The following SKAP1 variants were observed in gnomAD, a reference collection of about 807,000 sequenced individuals.
SKAP1 encodes the protein src kinase associated phosphoprotein 1.
A neutral mutation model predicts 58.5 loss-of-function variants in SKAP1; 44 were observed. The ratio of observed to expected loss-of-function variants is 0.75; its 90% CI spans 0.59 to 0.97. The LOEUF is 0.97. Ranked by LOEUF, SKAP1 falls within the 50% of genes least tolerant of loss-of-function variation. SKAP1 has a pLI of 0.00. For synonymous variants in SKAP1, 127 were observed against 149.7 expected (o/e 0.85, Z 1.11); for missense variants, 390 against 435.2 (o/e 0.90, Z 0.92).
chr17:48,176,581 C>T (rs556185789), intron 9 of SKAP1, among the ~76,000 whole-genome samples: 1 of 152,244 alleles, frequency 6.6e-6, no homozygotes, highest in African/African-American at 2.4e-5. Context: ...ATCAAGGGCC[C>T]ACATATGCTC....
chr17:48,413,238 G>A (rs1324687984), intron 1 of SKAP1, among the ~76,000 whole-genome samples: 1 of 151,808 alleles, frequency 6.6e-6, no homozygotes, highest in Non-Finnish European at 1.5e-5. Flanking sequence ...TTCAGGGCTG[G>A]GCGCAGTAGC....
intron 4 of SKAP1, among the ~76,000 whole-genome samples, chr17:48,192,061 G>T (rs1208276548): frequency 1.3e-5 from 2 of 152,058 alleles, no homozygotes. Flanking sequence ...CAAACCTGTA[G>T]TCCCAGCTAC....
intron 2 of SKAP1, among the ~76,000 whole-genome samples, chr17:48,372,860 C>A (rs991359945): frequency 6.6e-6 from 1 of 152,146 alleles, no homozygotes; most frequent in Non-Finnish European, 1.5e-5. Flanking sequence ...GTTGCCCAGA[C>A]TGGTCTCGAA....
At chr17:48,179,905 C>A in intron 9 of SKAP1, 149 bp downstream of exon 9, 1 of 686,570 alleles carries the variant, frequency 1.5e-6, no homozygotes, top group East Asian at 2.7e-5. Flanking sequence ...ACCCACTTCC[C>A]TACAATCTCA....
chr17:48,432,009 T>G (rs1024374415), upstream of SKAP1, among the ~76,000 whole-genome samples: 3 of 152,144 alleles, frequency 2.0e-5, no homozygotes, highest in African/African-American at 7.2e-5. Context: ...AAAGCAGTGG[T>G]GCATTGGTTT....
At chr17:48,283,269 G>A (rs1432671604) in intron 4 of SKAP1, among the ~76,000 whole-genome samples, 1 of 152,110 alleles carries the variant, frequency 6.6e-6, no homozygotes, top group Admixed American at 6.5e-5. Flanking sequence ...AGTTTCCTAA[G>A]GGAAGACATG....
chr17:48,344,581 C>G (rs2066696675), intron 4 of SKAP1, among the ~76,000 whole-genome samples: 1 of 152,204 alleles, frequency 6.6e-6, no homozygotes, highest in Non-Finnish European at 1.5e-5. Context: ...AAGTTGATTT[C>G]TTCCTGTTTT....
At chr17:48,250,334 C>T (rs1029753445) in intron 4 of SKAP1, among the ~76,000 whole-genome samples, 3 of 121,022 alleles carry the variant, frequency 2.5e-5, no homozygotes, top group Non-Finnish European at 3.2e-5. Context: ...CAGGCTGGAG[C>T]GCAGTGGCAT....
chr17:48,311,769 C>G (rs572086163), intron 4 of SKAP1, among the ~76,000 whole-genome samples: 1 of 152,330 alleles, frequency 6.6e-6, no homozygotes, highest in East Asian at 1.9e-4. Flanking sequence ...CAATCACGAT[C>G]TGTGTCAGAG....
chr17:48,413,523 A>AAAAAAAAAAAAAAAAAAAAAATATAT, intron 1 of SKAP1, among the ~76,000 whole-genome samples: 1 of 105,454 alleles, frequency 9.5e-6, no homozygotes. Context: ...TCAAAAAAAA[A>AAAAAAAAAAAAAAAAAAAAAATATAT]ATATATATAT....
intron 4 of SKAP1, among the ~76,000 whole-genome samples, chr17:48,330,034 G>A (rs903935723): frequency 6.6e-6 from 1 of 152,188 alleles, no homozygotes; most frequent in Non-Finnish European, 1.5e-5. Flanking sequence ...AGAGTGCCAT[G>A]CATTCAGCAT....
intron 5 of SKAP1, 117 bp from the exon 6 acceptor site, chr17:48,188,043 CT>C (rs2064482788): frequency 1.4e-6 from 1 of 717,132 alleles, no homozygotes; most frequent in African/African-American, 1.8e-5. Context: ...GGTTAATGGA[CT>C]GTAAAACCCT....
At chr17:48,280,324 G>T (rs548464751) in intron 4 of SKAP1, among the ~76,000 whole-genome samples, 2 of 152,070 alleles carry the variant, frequency 1.3e-5, no homozygotes, top group South Asian at 4.2e-4. Context: ...ACAAAAATCA[G>T]CTGGCTGTGG....
chr17:48,208,215 G>T (rs986305575), intron 4 of SKAP1, among the ~76,000 whole-genome samples: 2 of 152,090 alleles, frequency 1.3e-5, no homozygotes, highest in African/African-American at 4.8e-5. Flanking sequence ...AGATATATGG[G>T]CGTTAGACCC....
At chr17:48,387,828 A>G (rs955071685) in intron 2 of SKAP1, among the ~76,000 whole-genome samples, 1 of 151,954 alleles carries the variant, frequency 6.6e-6, no homozygotes, top group Admixed American at 6.6e-5. Flanking sequence ...TCCTTTTTTT[A>G]AAAAAAATCA....
chr17:48,275,296 C>A (rs974686595), intron 4 of SKAP1, among the ~76,000 whole-genome samples: 1 of 152,202 alleles, frequency 6.6e-6, no homozygotes, highest in African/African-American at 2.4e-5. Flanking sequence ...GATCTCCCTG[C>A]AGTATTTGAT....
intron 4 of SKAP1, among the ~76,000 whole-genome samples, chr17:48,343,463 A>G (rs952951732): frequency 4.6e-5 from 7 of 152,302 alleles, no homozygotes; most frequent in Non-Finnish European, 8.8e-5. Context: ...TCACATTTAA[A>G]CAGTATCACA....
chr17:48,323,780 G>A (rs954665990), intron 4 of SKAP1, among the ~76,000 whole-genome samples: 2 of 152,104 alleles, frequency 1.3e-5, no homozygotes, highest in African/African-American at 2.4e-5. Flanking sequence ...GGGACAAGAG[G>A]AACGATGCTG....
chr17:48,138,373 T>C (rs1350378393), intron 11 of SKAP1, among the ~76,000 whole-genome samples: 2 of 149,604 alleles, frequency 1.3e-5, no homozygotes, highest in African/African-American at 4.9e-5. Flanking sequence ...CCCGGCTATT[T>C]TTTTTTTTTT....
Sources: allele counts gnomAD v4.1 joint callset (sites outside exome capture counted in the v4.1 genomes callset), GRCh38; gene constraint gnomAD v4.1.1; transcripts MANE v1.5; gene names NCBI Gene and HGNC (gene_info 2026-07-23, HGNC 2026-07-21).